The following ATP6V1E2 variants were observed in gnomAD, a reference collection of about 807,000 sequenced individuals.
The protein encoded by ATP6V1E2 is V-type proton ATPase subunit E 2.
For missense variants in ATP6V1E2, 308 were observed against 273.3 expected, an observed-to-expected ratio of 1.13 and a Z score of -0.90; for synonymous variants, 121 against 104.2, an observed-to-expected ratio of 1.16 and a Z score of -0.98.
intron 2 of ATP6V1E2, among the ~76,000 whole-genome samples, chr2:46,540,718 C>T (rs1667709916): frequency 6.7e-6 from 1 of 148,362 alleles, no homozygotes; most frequent in Non-Finnish European, 1.5e-5. Context: ...CCAGCTAAGG[C>T]ATTCATGGGC....
At chr2:46,521,874 T>C (rs1222974569) in intron 4 of ATP6V1E2, among the ~76,000 whole-genome samples, 1 of 152,108 alleles carries the variant, frequency 6.6e-6, no homozygotes, top group African/African-American at 2.4e-5. Context: ...GTATTTTTAG[T>C]AGAGGCGGAG....
At position 46,526,525 on chromosome 2, in the gene ATP6V1E2, A is replaced by C. The variant is rs116321731; in HGVS notation, c.-102+9288T>G. On this transcript the variant is annotated intron_variant, in intron 4 of 4. Coordinates refer to ENST00000522587, the MANE Select transcript of ATP6V1E2 (RefSeq NM_001318063.2). The stretch of plus-strand genomic sequence containing the variant: ...CCCAAATTTAAACTCTGTATCCATT[A>C]AACACTAATCCCACATACTCTTCCC... 2.1e-3 allele frequency among the ~76,000 whole-genome samples: 314 copies of C among 152,350 alleles called. 1 individual carries two copies. Among genetic ancestry groups the C allele is most frequent in the Middle Eastern group, 3.4e-3 (1 of 294 alleles).
chr2:46,523,476 C>G (rs1317320964), intron 4 of ATP6V1E2, among the ~76,000 whole-genome samples: 1 of 152,224 alleles, frequency 6.6e-6, no homozygotes, highest in African/African-American at 2.4e-5. Flanking sequence ...TTCCCAGCAT[C>G]ACTTACTGAA....
Position 46,511,985 on chromosome 2 carries a change from A to T in ATP6V1E2, c.*46T>A. On this transcript the variant is annotated 3_prime_UTR_variant, in exon 5 of 5. Transcript: ENST00000522587. The stretch of plus-strand genomic sequence containing the variant: ...AGTTTCCTTTCCCCAAAAAACTTAA[A>T]CTTTTATGGTTTAGTGGTTCAACAC... 6.6e-7 allele frequency: 1 copy of T among 1,506,950 alleles called. No homozygotes were observed. Among genetic ancestry groups the T allele is most frequent in the Non-Finnish European group, 8.9e-7 (1 of 1,128,430 alleles). The allele number at this position is 1,506,950 out of a possible 1,614,324, so 93.3% of individuals were successfully genotyped here.
chr2:46,517,843 A>G (rs535448481), intron 4 of ATP6V1E2, among the ~76,000 whole-genome samples: 6 of 152,218 alleles, frequency 3.9e-5, no homozygotes, highest in African/African-American at 1.4e-4. Context: ...AAGAAGAAAG[A>G]AAAAGAAAAT....
intron 4 of ATP6V1E2, among the ~76,000 whole-genome samples, chr2:46,533,946 T>C (rs1038862501): frequency 6.6e-6 from 1 of 152,226 alleles, no homozygotes; most frequent in Non-Finnish European, 1.5e-5. Context: ...ATATCTGTCT[T>C]TGTTCCCTGT....
intron 4 of ATP6V1E2, among the ~76,000 whole-genome samples, chr2:46,516,490 G>A (rs1687715369): frequency 6.6e-6 from 1 of 152,198 alleles, no homozygotes; most frequent in African/African-American, 2.4e-5. Context: ...CAACACTTTG[G>A]GAGGCTGAAG....
chr2:46,540,613 CTT>C (rs59810518), intron 2 of ATP6V1E2, among the ~76,000 whole-genome samples: 5 of 115,616 alleles, frequency 4.3e-5, no homozygotes, highest in Non-Finnish European at 7.2e-5. Context: ...TTTTCTGTAA[CTT>C]TTTTTTTTTT....
intron 4 of ATP6V1E2, among the ~76,000 whole-genome samples, chr2:46,526,342 T>C (rs1666919289): frequency 6.6e-6 from 1 of 152,182 alleles, no homozygotes; most frequent in Non-Finnish European, 1.5e-5. Context: ...CTTGAACTCC[T>C]GGACCTTCAG....
chr2:46,528,968 G>C (rs985571233), intron 4 of ATP6V1E2, among the ~76,000 whole-genome samples: 23 of 152,196 alleles, frequency 1.5e-4, no homozygotes, highest in African/African-American at 5.1e-4. Flanking sequence ...CATACTCCTA[G>C]AGCTGCCTAT....
intron 4 of ATP6V1E2, chr2:46,534,667 G>C (rs551394182): frequency 2.0e-5 from 3 of 152,220 alleles, no homozygotes; most frequent in Non-Finnish European, 2.9e-5. Flanking sequence ...AGTTACGGTA[G>C]TAGCGGATGA....
At chr2:46,522,124 C>A (rs931848980) in intron 4 of ATP6V1E2, among the ~76,000 whole-genome samples, 1 of 151,832 alleles carries the variant, frequency 6.6e-6, no homozygotes, top group Non-Finnish European at 1.5e-5. Flanking sequence ...CACATCTCTA[C>A]AAATTTTTTT....
chr2:46,522,645 T>C lies in ATP6V1E2; in HGVS notation c.-101-9833A>G, dbSNP rs181138108. On this transcript the variant is annotated intron_variant, in intron 4 of 4. Coordinates refer to ENST00000522587, the MANE Select transcript of ATP6V1E2 (RefSeq NM_001318063.2). ...TTTTCTTTATCCAATCTATCACTGA[T>C]GGGCATTTGGGTTGGTTCCAAGTCT... Among the ~76,000 whole-genome samples, 319 of 152,352 alleles carry C rather than the reference T, an allele frequency of 2.1e-3. 3 individuals carry two copies. The highest frequency in any genetic ancestry group is 2.1e-3 in the Non-Finnish European group (146 of 68,034).
At chr2:46,522,209 G>A (rs1384355874) in intron 4 of ATP6V1E2, among the ~76,000 whole-genome samples, 1 of 150,984 alleles carries the variant, frequency 6.6e-6, no homozygotes, top group Non-Finnish European at 1.5e-5. Flanking sequence ...AGGATTGCTT[G>A]AGAGGTCGAG....
chr2:46,527,658 G>A (rs1028814174), intron 4 of ATP6V1E2, among the ~76,000 whole-genome samples: 1 of 152,082 alleles, frequency 6.6e-6, no homozygotes, highest in African/African-American at 2.4e-5. Context: ...GAGCCACCAC[G>A]CCTGGTCCTG....
At position 46,530,323 on chromosome 2, in the gene ATP6V1E2, G is replaced by A. The variant is rs1200122556; in HGVS notation, c.-102+5490C>T. On this transcript the variant is annotated intron_variant, in intron 4 of 4. Transcript: ENST00000522587. This position sits in a 1 kb window ranked among gnomAD's most constrained non-coding sequence, Gnocchi z 5.2. The stretch of plus-strand genomic sequence containing the variant: ...AGTAAAGGGATGATGGTGGTGGGTG[G>A]GGTGGTCATGCCCCCAATTCTGCCA... Among the ~76,000 whole-genome samples, 2 of 152,178 alleles carry A rather than the reference G, an allele frequency of 1.3e-5. No individual in the cohort carries two copies. Among genetic ancestry groups the A allele is most frequent in the East Asian group, 3.9e-4 (2 of 5,176 alleles).
At chr2:46,538,370 C>T (rs1311526580) in intron 2 of ATP6V1E2, among the ~76,000 whole-genome samples, 1 of 152,160 alleles carries the variant, frequency 6.6e-6, no homozygotes, top group Non-Finnish European at 1.5e-5. Flanking sequence ...AGCTCTGCCA[C>T]TTACCAGCTG....
At chr2:46,542,177 C>T (rs1667814963) in intron 1 of ATP6V1E2, 40 bp downstream of exon 1, 1 of 150,936 alleles carries the variant, frequency 6.6e-6, no homozygotes, top group Non-Finnish European at 1.5e-5. Context: ...AGGACCGCCA[C>T]CACCCCACGC....
At chr2:46,532,206 A>T (rs1667215812) in intron 4 of ATP6V1E2, among the ~76,000 whole-genome samples, 1 of 151,994 alleles carries the variant, frequency 6.6e-6, no homozygotes, top group Admixed American at 6.6e-5. Flanking sequence ...AGAGGGAAAG[A>T]TCCAGACTCA....
Sources: gnomAD v4.1 joint callset for allele counts (sites outside exome capture counted in the v4.1 genomes callset) on GRCh38, gnomAD v4.1.1 for gene constraint, Gnocchi (gnomAD v3.1) non-coding constraint, MANE v1.5 for transcripts, NCBI Gene and HGNC (gene_info 2026-07-23, HGNC 2026-07-21) for gene names.